Variants in TEX36 observed in about 807,000 individuals in gnomAD.
TEX36 encodes testis expressed 36, also known as testis-expressed protein 36.
Under a neutral mutation model 13.6 loss-of-function variants are expected in TEX36, and 12 were observed. The observed-to-expected ratio is 0.88, with a 90% confidence interval of 0.56 to 1.43. The LOEUF is 1.43. Among genes scored for constraint, TEX36 ranks in the 40% most tolerant of loss-of-function variants. The pLI is 0.00. For missense variants in TEX36, 224 were observed against 228.3 expected (o/e 0.98, Z 0.12); for synonymous variants, 93 against 83.0 (o/e 1.12, Z -0.65).
At chr10:125,614,506 C>G (rs1213746186) in intron 3 of TEX36, among the ~76,000 whole-genome samples, 3 of 151,876 alleles carry the variant, frequency 2.0e-5, no homozygotes, top group Admixed American at 2.0e-4. Flanking sequence ...ATATGGCTAG[C>G]CAGTTTTCCC....
At chr10:125,665,002 G>A (rs4378302) in intron 1 of TEX36, among the ~76,000 whole-genome samples, 71,773 of 152,024 alleles carry the variant, frequency 0.47, 20,654 homozygotes, top group African/African-American at 0.81. Flanking sequence ...CCTGTTTGCC[G>A]TTTGCATGTC....
chr10:125,592,048 T>C (rs1465614490), intron 3 of TEX36, among the ~76,000 whole-genome samples: 1 of 152,218 alleles, frequency 6.6e-6, no homozygotes, highest in African/African-American at 2.4e-5. Flanking sequence ...CCTCCTTGTT[T>C]GCAAACATGT....
intron 1 of TEX36, among the ~76,000 whole-genome samples, chr10:125,663,467 T>C (rs1847076913): frequency 6.6e-6 from 1 of 152,172 alleles, no homozygotes; most frequent in Non-Finnish European, 1.5e-5. Context: ...TTTTGAGAAA[T>C]CTCCATACTA....
intron 3 of TEX36, among the ~76,000 whole-genome samples, chr10:125,582,777 G>GT (rs1175223548): frequency 6.6e-6 from 1 of 152,020 alleles, no homozygotes; most frequent in East Asian, 1.9e-4. Context: ...AGATAAATTG[G>GT]TTTTTTTAAA....
chr10:125,638,812 G>A (rs1202000041), intron 3 of TEX36, among the ~76,000 whole-genome samples: 2 of 152,192 alleles, frequency 1.3e-5, no homozygotes, highest in African/African-American at 4.8e-5. Context: ...ACTCCAGCAG[G>A]GGCTGCATGA....
intron 1 of TEX36, among the ~76,000 whole-genome samples, chr10:125,665,672 T>C (rs1193224605): frequency 6.6e-6 from 1 of 152,198 alleles, no homozygotes; most frequent in Non-Finnish European, 1.5e-5. Context: ...TTGCTCAAGA[T>C]TCCTTTGGTT....
At chr10:125,672,330 T>C (rs1026143493) in intron 1 of TEX36, among the ~76,000 whole-genome samples, 2 of 152,230 alleles carry the variant, frequency 1.3e-5, no homozygotes, top group Non-Finnish European at 1.5e-5. Context: ...GTACATTGTC[T>C]CTTTGTTCTC....
chr10:125,682,778 G>A (rs1847416577), intron 1 of TEX36, among the ~76,000 whole-genome samples, 161 bp downstream of exon 1: 1 of 152,228 alleles, frequency 6.6e-6, no homozygotes, highest in Non-Finnish European at 1.5e-5. Context: ...GAGTGTTAGA[G>A]GATTCCCATG....
chr10:125,620,658 C>G (rs1438439100), downstream of TEX36, among the ~76,000 whole-genome samples: 4 of 152,152 alleles, frequency 2.6e-5, no homozygotes, highest in Non-Finnish European at 5.9e-5. Flanking sequence ...AATGTGTCAG[C>G]TTAACTATTT....
At chr10:125,615,601 A>ATG (rs1846347114) in intron 3 of TEX36, among the ~76,000 whole-genome samples, 1 of 151,214 alleles carries the variant, frequency 6.6e-6, no homozygotes, top group Admixed American at 6.6e-5. Flanking sequence ...ATTTGCGTAT[A>ATG]TTGAACCAGC....
At chr10:125,578,922 G>A (rs1360092483) in intron 3 of TEX36, among the ~76,000 whole-genome samples, 1 of 152,100 alleles carries the variant, frequency 6.6e-6, no homozygotes. Context: ...TTCCCCACAT[G>A]CTGTGCCCTG....
At chr10:125,606,429 A>G (rs1846216823) in intron 3 of TEX36, among the ~76,000 whole-genome samples, 1 of 152,244 alleles carries the variant, frequency 6.6e-6, no homozygotes, top group Non-Finnish European at 1.5e-5. Flanking sequence ...TTTTACTCCT[A>G]GAAAGTTGAA....
intron 3 of TEX36, among the ~76,000 whole-genome samples, chr10:125,590,014 A>G (rs1846002140): frequency 1.3e-5 from 2 of 152,206 alleles, no homozygotes; most frequent in Non-Finnish European, 2.9e-5. Flanking sequence ...TCACAACTAC[A>G]ATCATGTGTC....
chr10:125,652,960 T>C (rs1467009892), downstream of TEX36, among the ~76,000 whole-genome samples: 1 of 152,138 alleles, frequency 6.6e-6, no homozygotes, highest in Non-Finnish European at 1.5e-5. Flanking sequence ...CCAGTTAAAA[T>C]GGCGATCATT....
chr10:125,656,048 G>A lies in TEX36; in HGVS notation c.413C>T (p.Ser138Leu). 1 of 1,551,848 alleles carries A rather than the reference G, an allele frequency of 6.4e-7. No homozygotes were observed. ...GCATCGTGGAAAGCGTCTGAAGCTT[G>A]AGACCACCATGGCTTCTTTATATAC... Reference protein sequence around the residue: ...SYVYKEAMVVSSFRRFPRCYK... With the variant: ...SYVYKEAMVVLSFRRFPRCYK... The change falls in exon 4 of 4, where the codon TCA becomes TTA. Residue 138 changes from serine to leucine, a missense_variant. Ser to Leu is a moderately radical substitution (Grantham distance 145, BLOSUM62 -2). Transcript: ENST00000368821.
intron 3 of TEX36, 145 bp downstream of exon 3, chr10:125,660,876 C>G (rs1847025409): frequency 6.7e-6 from 4 of 597,914 alleles, no homozygotes; most frequent in Non-Finnish European, 8.8e-6. Flanking sequence ...TTTTTTTAAT[C>G]TGTTATGAGT....
At chr10:125,621,213 C>A (rs184810759), downstream of TEX36, among the ~76,000 whole-genome samples, 214 of 152,134 alleles carry the variant, frequency 1.4e-3, no homozygotes, top group African/African-American at 4.5e-3. Flanking sequence ...TGGATATATA[C>A]CCAGGAGCGG....
chr10:125,669,908 A>G (rs9422926), intron 1 of TEX36, among the ~76,000 whole-genome samples: 2,639 of 152,294 alleles, frequency 0.017, 75 homozygotes, highest in African/African-American at 0.059. Flanking sequence ...CTCCATCCAG[A>G]TTCCTGCAAA....
At chr10:125,643,836 G>C (rs560661116) in intron 3 of TEX36, among the ~76,000 whole-genome samples, 5 of 152,102 alleles carry the variant, frequency 3.3e-5, no homozygotes, top group Admixed American at 6.5e-5. Flanking sequence ...AGAATTGCCT[G>C]AATAGGCAGA....
Sources: gnomAD v4.1 joint callset for allele counts (sites outside exome capture counted in the v4.1 genomes callset) on GRCh38, gnomAD v4.1.1 for gene constraint, MANE v1.5 for transcripts, NCBI Gene and HGNC (gene_info 2026-07-23, HGNC 2026-07-21) for gene names.